SHROOM3: variants seen among roughly 807,000 people sequenced by gnomAD.
The protein encoded by SHROOM3 is shroom family member 3.
SHROOM3 carries 47 observed loss-of-function variants against 138.6 expected under a neutral mutation model. The ratio of observed to expected loss-of-function variants is 0.34; its 90% CI spans 0.27 to 0.43. The LOEUF (loss-of-function observed/expected upper bound fraction) is 0.43. SHROOM3 is among the 20% of genes least tolerant of loss of function. The probability of loss-of-function intolerance (pLI) is 1.00; values close to 1 mark genes in which losing one functional copy is unlikely to be tolerated. For synonymous variants in SHROOM3, 1,062 were observed against 1,063.3 expected (o/e 1.00, Z 0.02); for missense variants, 2,491 against 2,596.5 (o/e 0.96, Z 0.88).
chr4:76,551,379 A>G (rs1329760716), intron 1 of SHROOM3, among the ~76,000 whole-genome samples: 1 of 152,178 alleles, frequency 6.6e-6, no homozygotes, highest in Non-Finnish European at 1.5e-5. Context: ...TTAATATAAG[A>G]AATTGATTGT....
intron 1 of SHROOM3, among the ~76,000 whole-genome samples, chr4:76,439,704 A>G (rs531966287): frequency 5.8e-4 from 89 of 152,354 alleles, no homozygotes; most frequent in African/African-American, 1.8e-3. Flanking sequence ...CACATATGAA[A>G]GGCACAAACA....
chr4:76,518,572 T>C (rs1732496070), intron 1 of SHROOM3, among the ~76,000 whole-genome samples: 1 of 109,308 alleles, frequency 9.1e-6, no homozygotes, highest in Admixed American at 9.9e-5. Context: ...CCTTCTTGCC[T>C]GCTTGCCTGC....
chr4:76,595,345 A>C (rs1276657604), intron 2 of SHROOM3, among the ~76,000 whole-genome samples: 1 of 152,186 alleles, frequency 6.6e-6, no homozygotes, highest in Non-Finnish European at 1.5e-5. Context: ...TCTGACAGAC[A>C]TGGTGCCAGG....
intron 2 of SHROOM3, among the ~76,000 whole-genome samples, chr4:76,590,640 C>G (rs1356748687): frequency 6.6e-6 from 1 of 151,970 alleles, no homozygotes; most frequent in Non-Finnish European, 1.5e-5. Flanking sequence ...AAAGCCCCCG[C>G]ATCCTACATT....
chr4:76,657,551 C>G (rs1736091936), intron 2 of SHROOM3, among the ~76,000 whole-genome samples: 1 of 152,208 alleles, frequency 6.6e-6, no homozygotes. Flanking sequence ...ATCTGTTACT[C>G]ATTTATAATT....
At chr4:76,454,267 C>T (rs1374691020) in intron 1 of SHROOM3, among the ~76,000 whole-genome samples, 2 of 152,184 alleles carry the variant, frequency 1.3e-5, no homozygotes, top group African/African-American at 4.8e-5. Context: ...TGGTCTCGGA[C>T]TTCTGACCTC....
intron 1 of SHROOM3, among the ~76,000 whole-genome samples, chr4:76,529,792 C>T (rs766492671): frequency 1.5e-4 from 23 of 152,152 alleles, no homozygotes; most frequent in Non-Finnish European, 2.9e-4. Context: ...TCCAGTCCAG[C>T]GAAGATTTTT....
intron 3 of SHROOM3, among the ~76,000 whole-genome samples, chr4:76,715,183 G>GTA (rs76006617): frequency 0.043 from 6,560 of 152,088 alleles, 198 homozygotes; most frequent in Middle Eastern, 0.11. Context: ...TGAGTAACAG[G>GTA]TATATATATA....
At position 76,730,815 on chromosome 4, in the gene SHROOM3, C is replaced by T. The variant is rs1720850316; in HGVS notation, c.467C>T (p.Pro156Leu). ...CTGTGTCTCCCCAGGCGCAGTGAGCCTGCAGGCCGACCTCACTCGTGGCAC... is the reference window on the plus strand; with the variant it reads ...CTGTGTCTCCCCAGGCGCAGTGAGCTTGCAGGCCGACCTCACTCGTGGCAC... ...KLRLKHRRSE[P>L]AGRPHSWHTT... Residue 156 changes from proline (P) to leucine (L), a missense_variant, in exon 4 of 11, where the codon CCT (proline) becomes CTT (leucine). Around this residue, in one of 4 missense-constraint regions of SHROOM3, gnomAD observed 284 missense variants for 322.8 expected, o/e 0.88. Coordinates refer to ENST00000296043, the MANE Select transcript of SHROOM3 (RefSeq NM_020859.4). 2 of 1,613,928 alleles carry T rather than the reference C, an allele frequency of 1.2e-6. No individual in the cohort carries two copies. Among genetic ancestry groups the T allele is most frequent in the Non-Finnish European group, 1.7e-6 (2 of 1,180,022 alleles).
In SHROOM3 at chr4:76,756,516, G is replaced by C; in HGVS notation, c.4777G>C (p.Gly1593Arg). ...RHMPGAAHVV[G>R]SQTLASRLQT... Reference sequence around the variant, plus strand: ...CATGCCTGGTGCAGCCCATGTGGTAGGTAGTCAGACACTGGCTTCCAGACT... The same window carrying C: ...CATGCCTGGTGCAGCCCATGTGGTACGTAGTCAGACACTGGCTTCCAGACT... The change falls in exon 8 of 11, where the codon GGT becomes CGT. Residue 1593 changes from glycine to arginine, a missense_variant. By Grantham distance (125) the Gly-to-Arg change is moderately radical. Around this residue, in one of 4 missense-constraint regions of SHROOM3, gnomAD observed 470 missense variants for 595.0 expected, o/e 0.79. Transcript: ENST00000296043. 6.2e-7 allele frequency: 1 copy of C among 1,613,722 alleles called. No individual in the cohort carries two copies. Among genetic ancestry groups the C allele is most frequent in the Non-Finnish European group, 8.5e-7 (1 of 1,179,976 alleles).
intron 2 of SHROOM3, among the ~76,000 whole-genome samples, chr4:76,600,168 CAAA>C (rs1226558763): frequency 1.4e-5 from 2 of 146,052 alleles, no homozygotes; most frequent in South Asian, 4.4e-4. Context: ...AACAAACAAA[CAAA>C]AACCCAAAAA....
intron 9 of SHROOM3, among the ~76,000 whole-genome samples, chr4:76,764,468 T>C (rs1722085245): frequency 6.6e-6 from 1 of 152,252 alleles, no homozygotes; most frequent in African/African-American, 2.4e-5. Flanking sequence ...CCCGCTGCTC[T>C]TCCTTCATTC....
intron 1 of SHROOM3, among the ~76,000 whole-genome samples, chr4:76,486,134 A>G (rs1054288144): frequency 6.6e-6 from 1 of 152,230 alleles, no homozygotes; most frequent in African/African-American, 2.4e-5. Flanking sequence ...CCATCTCTGC[A>G]GGTCAGAAAG....
At chr4:76,735,868 AATAT>A (rs758812304) in intron 4 of SHROOM3, among the ~76,000 whole-genome samples, 406 of 18,758 alleles carry the variant, frequency 0.022, 6 homozygotes, top group East Asian at 0.077. Context: ...AAAAAAAAAA[AATAT>A]ATATATATAT....
At chr4:76,563,848 G>A (rs899189502) in intron 2 of SHROOM3, among the ~76,000 whole-genome samples, 43 of 152,264 alleles carry the variant, frequency 2.8e-4, no homozygotes, top group Admixed American at 2.0e-3. Context: ...CTGTGCCATG[G>A]TAAGTTCCAA....
intron 3 of SHROOM3, among the ~76,000 whole-genome samples, chr4:76,712,426 A>G (rs1222171411): frequency 2.0e-5 from 3 of 152,192 alleles, no homozygotes; most frequent in Non-Finnish European, 2.9e-5. Flanking sequence ...AATCACATAG[A>G]CCTGGGTTTG....
At chr4:76,694,445 GTTA>G (rs1300998001) in intron 2 of SHROOM3, among the ~76,000 whole-genome samples, 2 of 152,088 alleles carry the variant, frequency 1.3e-5, no homozygotes, top group Non-Finnish European at 2.9e-5. Flanking sequence ...TTTAATTGAT[GTTA>G]TTTTCTTAAA....
At chr4:76,455,088 G>A (rs1731002355) in intron 1 of SHROOM3, among the ~76,000 whole-genome samples, 1 of 152,038 alleles carries the variant, frequency 6.6e-6, no homozygotes, top group South Asian at 2.1e-4. Context: ...TAATGTCAAT[G>A]GAGATAATTT....
rs543853148 is a variant in SHROOM3, at chr4:76,562,123, C to A, written c.323+6360C>A. 2.0e-5 allele frequency among the ~76,000 whole-genome samples: 3 copies of A among 152,304 alleles called. No homozygotes were observed. In the East Asian group the frequency reaches 5.8e-4, roughly 29 times the overall value. On this transcript the variant is annotated intron_variant, in intron 2 of 10. Transcript: ENST00000296043. ...GAGGTGATTCCCCATTGACCTTGAA[C>A]TTCCTTTGGGAAGGAAATGCACCGG...
Sources: allele counts gnomAD v4.1 joint callset (sites outside exome capture counted in the v4.1 genomes callset), GRCh38; gene constraint gnomAD v4.1.1; regional missense constraint gnomAD v4.1.1; transcripts MANE v1.5; gene names NCBI Gene and HGNC (gene_info 2026-07-23, HGNC 2026-07-21).